The following ZRANB3 variants were observed in gnomAD, a reference collection of about 807,000 sequenced individuals.
ZRANB3 encodes zinc finger RANBP2-type containing 3, also known as DNA annealing helicase and endonuclease ZRANB3.
In ZRANB3, 125 loss-of-function variants were observed where a neutral mutation model predicts 133.8. That is an observed-to-expected ratio of 0.93 (90% CI 0.81 to 1.08). The LOEUF is 1.08. Ranked by LOEUF, ZRANB3 falls within the 50% of genes least tolerant of loss-of-function variation. The pLI, the probability that ZRANB3 is intolerant of heterozygous loss-of-function variation, is 0.00. For synonymous variants in ZRANB3, 387 were observed against 432.7 expected (o/e 0.89, Z 1.31); for missense variants, 1,229 against 1,275.5 (o/e 0.96, Z 0.56).
chr2:135,515,065 G>A (rs1308876542), intron 1 of ZRANB3, among the ~76,000 whole-genome samples: 2 of 152,038 alleles, frequency 1.3e-5, no homozygotes, highest in Non-Finnish European at 2.9e-5. Flanking sequence ...TTTTCGTATC[G>A]ATGTTCATCA....
At chr2:135,450,224 C>T (rs996410488) in intron 2 of ZRANB3, among the ~76,000 whole-genome samples, 2 of 151,156 alleles carry the variant, frequency 1.3e-5, no homozygotes. Context: ...CGAGATGACG[C>T]CACTGCACTC....
intron 2 of ZRANB3, among the ~76,000 whole-genome samples, chr2:135,474,862 T>C (rs1012168712): frequency 1.3e-5 from 2 of 152,024 alleles, no homozygotes; most frequent in Non-Finnish European, 1.5e-5. Flanking sequence ...TCTTCTAAGG[T>C]AGGGGAAAGA....
chr2:135,314,668 A>T (rs1370192397), intron 7 of ZRANB3, among the ~76,000 whole-genome samples: 1 of 152,178 alleles, frequency 6.6e-6, no homozygotes, highest in African/African-American at 2.4e-5. Context: ...GAAGAGAGTT[A>T]TTCATACTTT....
intron 2 of ZRANB3, among the ~76,000 whole-genome samples, chr2:135,467,286 C>T (rs938464030): frequency 1.4e-4 from 21 of 152,126 alleles, no homozygotes; most frequent in Non-Finnish European, 4.4e-5. Flanking sequence ...CCAACCCCTC[C>T]TTGTCCATAT....
At chr2:135,337,597 A>G (rs968933143) in intron 6 of ZRANB3, among the ~76,000 whole-genome samples, 8 of 152,192 alleles carry the variant, frequency 5.3e-5, no homozygotes, top group Non-Finnish European at 7.3e-5. Flanking sequence ...CACTTGGTAA[A>G]GACTAAAGAG....
At position 135,353,121 on chromosome 2, in the gene ZRANB3, T is replaced by C. The variant is rs111812084; in HGVS notation, c.359+329A>G. Among the ~76,000 whole-genome samples, 454 of 152,232 alleles carry C rather than the reference T, an allele frequency of 3.0e-3. 3 individuals carry two copies. Among genetic ancestry groups the C allele is most frequent in the African/African-American group, 0.01 (422 of 41,568 alleles). ...GATCACAAAGCTTCAAGTCAATCAA[T>C]GAAAAGTTGTGAGATTTATTTCTGA... On this transcript the variant is annotated intron_variant, in intron 4 of 20. Transcript: ENST00000264159.
chr2:135,292,553 C>T (rs1182396437), intron 8 of ZRANB3, among the ~76,000 whole-genome samples: 3 of 152,294 alleles, frequency 2.0e-5, no homozygotes, highest in Middle Eastern at 3.4e-3. Context: ...GTTGCCTGTT[C>T]ACTCTGATGG....
At chr2:135,439,632 T>G (rs1181204065) in intron 2 of ZRANB3, among the ~76,000 whole-genome samples, 1 of 152,186 alleles carries the variant, frequency 6.6e-6, no homozygotes, top group Non-Finnish European at 1.5e-5. Flanking sequence ...TATTTAAGAT[T>G]CTAGGACTAT....
chr2:135,344,607 C>T (rs1684834348), intron 6 of ZRANB3, among the ~76,000 whole-genome samples: 2 of 152,100 alleles, frequency 1.3e-5, no homozygotes, highest in Non-Finnish European at 2.9e-5. Context: ...CATGGTTGCG[C>T]ATGCCTGTAA....
intron 1 of ZRANB3, among the ~76,000 whole-genome samples, chr2:135,527,114 C>T (rs997538508): frequency 1.3e-5 from 2 of 152,216 alleles, no homozygotes; most frequent in Non-Finnish European, 2.9e-5. Context: ...TTCTCAGGAC[C>T]TCCCGAGGGC....
intron 11 of ZRANB3, among the ~76,000 whole-genome samples, chr2:135,265,900 A>G (rs570959653): frequency 2.6e-5 from 4 of 152,318 alleles, no homozygotes; most frequent in African/African-American, 9.6e-5. Flanking sequence ...CCTCTTGGCC[A>G]AGAGCATTCT....
At chr2:135,235,585 C>T (rs1485373413) in intron 12 of ZRANB3, among the ~76,000 whole-genome samples, 1 of 151,656 alleles carries the variant, frequency 6.6e-6, no homozygotes, top group African/African-American at 2.4e-5. Context: ...AAAGCTTATC[C>T]ACCATGATCA....
intron 2 of ZRANB3, among the ~76,000 whole-genome samples, chr2:135,415,114 C>T (rs527804421): frequency 6.2e-5 from 8 of 128,830 alleles, no homozygotes; most frequent in East Asian, 2.5e-4. Context: ...CAGAGCAGAA[C>T]GGAAGGAAAT....
intron 17 of ZRANB3, among the ~76,000 whole-genome samples, chr2:135,209,298 C>T (rs1394650633): frequency 1.3e-5 from 2 of 152,254 alleles, no homozygotes. Context: ...ATCAAATACA[C>T]GCACAACTGA....
chr2:135,317,161 T>C (rs1683304357), intron 6 of ZRANB3, among the ~76,000 whole-genome samples: 1 of 152,050 alleles, frequency 6.6e-6, no homozygotes, highest in South Asian at 2.1e-4. Flanking sequence ...GATTTGCTTA[T>C]AATTGTTATA....
At chr2:135,401,234 T>C (rs1687716672) in intron 2 of ZRANB3, among the ~76,000 whole-genome samples, 1 of 152,214 alleles carries the variant, frequency 6.6e-6, no homozygotes, top group Admixed American at 6.5e-5. Flanking sequence ...TTTTAAAATT[T>C]AAACTTTAAT....
At chr2:135,281,420 GC>G (rs766471449) in intron 8 of ZRANB3, among the ~76,000 whole-genome samples, 1 of 151,728 alleles carries the variant, frequency 6.6e-6, no homozygotes, top group Non-Finnish European at 1.5e-5. Flanking sequence ...AGCAAACCTA[GC>G]ATTTTCCTTT....
intron 3 of ZRANB3, among the ~76,000 whole-genome samples, chr2:135,370,766 C>T (rs1573989673): frequency 1.3e-5 from 2 of 152,302 alleles, no homozygotes; most frequent in East Asian, 3.9e-4. Flanking sequence ...TGTGATTTGG[C>T]TCTGTGTCCC....
intron 2 of ZRANB3, among the ~76,000 whole-genome samples, chr2:135,482,459 T>C (rs1425933730): frequency 2.5e-4 from 37 of 149,754 alleles, no homozygotes; most frequent in Admixed American, 8.0e-4. Context: ...TTTTTGTACA[T>C]TGATTTTGTA....
Sources: allele counts gnomAD v4.1 joint callset (sites outside exome capture counted in the v4.1 genomes callset), GRCh38; gene constraint gnomAD v4.1.1; transcripts MANE v1.5; gene names NCBI Gene and HGNC (gene_info 2026-07-23, HGNC 2026-07-21).